Variants in HDLBP observed in about 807,000 individuals in gnomAD.
The protein encoded by HDLBP is vigilin.
HDLBP carries 30 observed loss-of-function variants against 137.3 expected under a neutral mutation model. The observed-to-expected ratio is 0.22, with a 90% CI of 0.16 to 0.30. The LOEUF (loss-of-function observed/expected upper bound fraction) is 0.30, where lower values mean the gene tolerates loss of function less well. HDLBP is among the 10% of genes least tolerant of loss of function. HDLBP has a pLI of 1.00. For synonymous variants in HDLBP, 606 were observed against 596.0 expected (o/e 1.02, Z -0.24); for missense variants, 1,119 against 1,667.3 (o/e 0.67, Z 5.73).
At chr2:241,315,549 C>G (rs1321492114) in intron 1 of HDLBP, 21 bp downstream of exon 1, 1 of 152,564 alleles carries the variant, frequency 6.6e-6, no homozygotes, top group African/African-American at 2.4e-5. Context: ...TTACCCACCG[C>G]AAGGCGAAGA....
rs1235650924 is a variant in HDLBP at position 241,228,686 on chromosome 2, C to G, written c.*915G>C. 1 of 152,812 alleles carries G rather than the reference C, an allele frequency of 6.5e-6. No individual in the cohort carries two copies. The highest frequency in any genetic ancestry group is 1.5e-5 in the Non-Finnish European group (1 of 68,156). 9.5% of individuals were successfully genotyped at this position (152,812 alleles called of 1,614,324 possible). A position where few individuals can be genotyped will look rare whatever the true frequency, so the allele number is the denominator to read the frequency against. ...CTGCACAGAGACCACTCCACGCCGG[C>G]TGAGGTAGAAAGAAGGCAACTGAAC... On this transcript the variant is annotated 3_prime_UTR_variant, in exon 28 of 28. Transcript: ENST00000310931.
chr2:241,237,015 G>T lies in HDLBP; in HGVS notation c.2750-246C>A, dbSNP rs555562725. ...GGGGGCGGCAATGAAGGCTTTGCCG[G>T]GAGGCCGTGAGCTCTGTGTCTCCCT... On this transcript the variant is annotated intron_variant, in intron 20 of 27. Coordinates refer to ENST00000310931, the MANE Select transcript of HDLBP (RefSeq NM_005336.6). 1.0e-3 allele frequency among the ~76,000 whole-genome samples: 154 copies of T among 151,454 alleles called. 2 individuals are homozygous for T. Among genetic ancestry groups the T allele is most frequent in the Non-Finnish European group, 8.0e-4 (54 of 67,862 alleles).
At position 241,240,155 on chromosome 2, in the gene HDLBP, C is replaced by T. The variant is rs770569875; in HGVS notation, c.2170-33G>A. 8.7e-6 allele frequency: 14 copies of T among 1,601,926 alleles called. No individual in the cohort carries two copies. Among genetic ancestry groups the T allele is most frequent in the Non-Finnish European group, 1.1e-5 (13 of 1,168,832 alleles). ...AACCAATCCCACTGTGTTAGCCTGA[C>T]ACCACGTGCCTGGACCACAGTGAGG... On this transcript the variant is annotated intron_variant, in intron 17 of 27. Transcript: ENST00000310931. This position sits in a 1 kb window ranked among gnomAD's most constrained non-coding sequence, Gnocchi z 5.5.
At chr2:241,295,855 A>G (rs757799729) in intron 1 of HDLBP, among the ~76,000 whole-genome samples, 2 of 152,174 alleles carry the variant, frequency 1.3e-5, no homozygotes, top group Non-Finnish European at 2.9e-5. Flanking sequence ...AGGAGCTGGA[A>G]GACGAAGAAG....
At chr2:241,299,496 G>T (rs1323953242) in intron 1 of HDLBP, among the ~76,000 whole-genome samples, 5 of 110,726 alleles carry the variant, frequency 4.5e-5, no homozygotes, top group African/African-American at 1.1e-4. Context: ...CTCCAGCCTG[G>T]CTCCGTCTCA....
Position 241,230,320 on chromosome 2 carries a change from G to T in HDLBP, c.3475-51C>A. ...GAGGGGACTCCAAGCGAGGAAAAGG[G>T]TTAAAATTATGTGTCAATTTCTAGT... On this transcript the variant is annotated intron_variant, in intron 25 of 27. Coordinates refer to ENST00000310931, the MANE Select transcript of HDLBP (RefSeq NM_005336.6). The surrounding 1 kb of genome is among the most constrained non-coding windows in gnomAD (Gnocchi z 5.0). 8.9e-7 allele frequency: 1 copy of T among 1,122,408 alleles called. No homozygotes were observed. Among genetic ancestry groups the T allele is most frequent in the Non-Finnish European group, 1.3e-6 (1 of 773,560 alleles). The allele number at this position is 1,122,408 out of a possible 1,614,324, so 69.5% of individuals were successfully genotyped here. A position where few individuals can be genotyped will look rare whatever the true frequency, so the allele number is the denominator to read the frequency against.
At position 241,262,906 on chromosome 2, in the gene HDLBP, C is replaced by T; in HGVS notation, c.255G>A (p.Glu85=). 2 of 1,613,964 alleles carry T rather than the reference C, an allele frequency of 1.2e-6. No individual in the cohort carries two copies. The highest frequency in any genetic ancestry group is 1.7e-6 in the Non-Finnish European group (2 of 1,179,840). The change falls in exon 5 of 28, where the codon GAG becomes GAA. Residue 85 remains glutamate (E), a synonymous_variant. Transcript: ENST00000310931. ...VITQVFHVPL[E]ERKYKDMNQF... is the part of the protein sequence containing the mutation. ...GGTTCATATCCTTGTATTTTCTCTC[C>T]TCCAGGGGTACATGGAACACCTGCT...
intron 1 of HDLBP, among the ~76,000 whole-genome samples, chr2:241,270,541 C>A (rs1440238825): frequency 6.6e-6 from 1 of 152,232 alleles, no homozygotes; most frequent in Non-Finnish European, 1.5e-5. Flanking sequence ...CATGTAAATG[C>A]AGACCCTGTC....
chr2:241,303,208 T>C (rs2075450058), intron 1 of HDLBP, among the ~76,000 whole-genome samples: 1 of 152,158 alleles, frequency 6.6e-6, no homozygotes, highest in African/African-American at 2.4e-5. Flanking sequence ...CAGCCTGCAC[T>C]GTGTTTAGAG....
In HDLBP at chr2:241,230,664, C is replaced by A; in HGVS notation, c.3474+95G>T. The A allele has an allele frequency of 9.2e-7, 1 of 1,088,026 alleles. No individual in the cohort carries two copies. Among genetic ancestry groups the A allele is most frequent in the South Asian group, 1.5e-5 (1 of 68,644 alleles). 67.4% of individuals were successfully genotyped at this position (1,088,026 alleles called of 1,614,324 possible). A position where few individuals can be genotyped will look rare whatever the true frequency, so the allele number is the denominator to read the frequency against. On this transcript the variant is annotated intron_variant, in intron 25 of 27. Coordinates refer to ENST00000310931, the MANE Select transcript of HDLBP (RefSeq NM_005336.6). This position sits in a 1 kb window ranked among gnomAD's most constrained non-coding sequence, Gnocchi z 5.0. ...AGCCCTGGGGTTGTGGCCTCATCAT[C>A]TTGAGGGGAAGGCCATGCCCTGCTC...
At position 241,239,343 on chromosome 2, in the gene HDLBP, C is replaced by A. The variant is rs1270426487; in HGVS notation, c.2610+259G>T. 6.6e-6 allele frequency among the ~76,000 whole-genome samples: 1 copy of A among 152,126 alleles called. No homozygotes were observed. The highest frequency in any genetic ancestry group is 1.5e-5 in the Non-Finnish European group (1 of 68,012). On this transcript the variant is annotated intron_variant, in intron 19 of 27. Coordinates refer to ENST00000310931, the MANE Select transcript of HDLBP (RefSeq NM_005336.6). The surrounding 1 kb of genome is among the most constrained non-coding windows in gnomAD (Gnocchi z 4.6). ...CTTTCTCTTGCTTTCTTTCCTCTCT[C>A]TCTCTCCCCTCTCCTCTTCTCCTTC...
intron 1 of HDLBP, among the ~76,000 whole-genome samples, chr2:241,306,538 C>T (rs1440613888): frequency 1.3e-5 from 2 of 152,068 alleles, no homozygotes; most frequent in Non-Finnish European, 2.9e-5. Context: ...GGACTACAGG[C>T]GTGAGCCACT....
chr2:241,312,752 A>G (rs918005105), intron 1 of HDLBP, among the ~76,000 whole-genome samples: 1 of 152,248 alleles, frequency 6.6e-6, no homozygotes, highest in Admixed American at 6.5e-5. Flanking sequence ...TACTCCAAAA[A>G]GCATGTTCTC....
At position 241,248,010 on chromosome 2, in the gene HDLBP, G is replaced by A. The variant is rs755449911; in HGVS notation, c.1724C>T (p.Ala575Val). Residue 575 changes from alanine to valine, a missense_variant, in exon 14 of 28, where the codon GCA (alanine) becomes GTA (valine). Ala to Val is a moderately conservative substitution (Grantham distance 64). Transcript: ENST00000310931. ...KCTKYMQKMV[A>V]DLVENSYSIS... ...GATGTGAAACACCCCTACCAGATCTGCCACCATCTTCTGCATGTATTTTGT... is the reference window on the plus strand; with the variant it reads ...GATGTGAAACACCCCTACCAGATCTACCACCATCTTCTGCATGTATTTTGT... The A allele has an allele frequency of 2.5e-6, 4 of 1,609,850 alleles. No homozygotes were observed. The South Asian group carries it at 3.3e-5, about 13-fold the overall frequency.
intron 1 of HDLBP, among the ~76,000 whole-genome samples, chr2:241,301,059 C>T (rs1209062478): frequency 1.3e-5 from 2 of 151,394 alleles, no homozygotes; most frequent in African/African-American, 2.4e-5. Flanking sequence ...TCACTGCAAG[C>T]TCCGCCTCCT....
chr2:241,230,676 G>T lies in HDLBP; in HGVS notation c.3474+83C>A. 1 of 1,188,138 alleles carries T rather than the reference G, an allele frequency of 8.4e-7. No homozygotes were observed. Among genetic ancestry groups the T allele is most frequent in the Non-Finnish European group, 1.2e-6 (1 of 820,864 alleles). The allele number at this position is 1,188,138 out of a possible 1,614,324, so 73.6% of individuals were successfully genotyped here. A position where few individuals can be genotyped will look rare whatever the true frequency, so the allele number is the denominator to read the frequency against. ...GTGGCCTCATCATCTTGAGGGGAAG[G>T]CCATGCCCTGCTCTTTCTTCTGGCC... On this transcript the variant is annotated intron_variant, in intron 25 of 27. Transcript: ENST00000310931. This position sits in a 1 kb window ranked among gnomAD's most constrained non-coding sequence, Gnocchi z 5.0.
intron 1 of HDLBP, among the ~76,000 whole-genome samples, chr2:241,303,047 C>T (rs1170691825): frequency 2.6e-5 from 4 of 152,202 alleles, no homozygotes; most frequent in African/African-American, 7.2e-5. Context: ...AAATTCACAC[C>T]GCAAAAGTTC....
At chr2:241,254,283 A>T (rs2072442124) in intron 9 of HDLBP, among the ~76,000 whole-genome samples, 3 of 152,024 alleles carry the variant, frequency 2.0e-5, no homozygotes, top group Admixed American at 6.6e-5. Flanking sequence ...GGAATAAAAT[A>T]AAAAAAATTT....
At chr2:241,311,630 T>G (rs1179381271) in intron 1 of HDLBP, among the ~76,000 whole-genome samples, 1 of 152,202 alleles carries the variant, frequency 6.6e-6, no homozygotes, top group African/African-American at 2.4e-5. Context: ...CTTCAGAATT[T>G]GGGGTTGAAT....
Sources: gnomAD v4.1 joint callset for allele counts (sites outside exome capture counted in the v4.1 genomes callset) on GRCh38, gnomAD v4.1.1 for gene constraint, Gnocchi (gnomAD v3.1) non-coding constraint, MANE v1.5 for transcripts, NCBI Gene and HGNC (gene_info 2026-07-23, HGNC 2026-07-21) for gene names.